The following ITPK1 variants were observed in gnomAD, a reference collection of about 807,000 sequenced individuals.
ITPK1 encodes the protein inositol-tetrakisphosphate 1-kinase.
A neutral mutation model predicts 45.3 loss-of-function variants in ITPK1; 21 were observed. The observed-to-expected ratio is 0.46, with a 90% CI of 0.33 to 0.67. ITPK1 has a LOEUF of 0.67. Ranked by LOEUF, ITPK1 falls within the 30% of genes least tolerant of loss-of-function variation. ITPK1 has a pLI of 0.02. For missense variants in ITPK1, 474 were observed against 573.5 expected (o/e 0.83, Z 1.77); for synonymous variants, 258 against 253.6 (o/e 1.02, Z -0.16).
chr14:93,099,373 T>C (rs938186860), intron 2 of ITPK1, among the ~76,000 whole-genome samples: 1 of 152,142 alleles, frequency 6.6e-6, no homozygotes, highest in African/African-American at 2.4e-5. Flanking sequence ...AGGCTAATTG[T>C]GTTTACATAA....
chr14:92,997,391 A>G (rs1887109069), intron 4 of ITPK1, among the ~76,000 whole-genome samples: 2 of 152,234 alleles, frequency 1.3e-5, no homozygotes, highest in Admixed American at 1.3e-4. Flanking sequence ...AGGGGAAAAC[A>G]TCTGACAAGC....
intron 5 of ITPK1, among the ~76,000 whole-genome samples, chr14:92,987,242 C>T (rs534220518): frequency 1.5e-4 from 23 of 152,294 alleles, no homozygotes; most frequent in African/African-American, 5.3e-4. Flanking sequence ...GAGGAGATGG[C>T]ACAGAAAGGG....
intron 3 of ITPK1, among the ~76,000 whole-genome samples, chr14:93,030,366 C>T (rs1390728057): frequency 6.6e-6 from 1 of 152,364 alleles, no homozygotes. Flanking sequence ...CTCTGGTTTT[C>T]TCAAAGCCTC....
intron 3 of ITPK1, among the ~76,000 whole-genome samples, chr14:93,047,130 A>G (rs1477773398): frequency 6.6e-6 from 1 of 152,204 alleles, no homozygotes; most frequent in Non-Finnish European, 1.5e-5. Context: ...CTGCTGGTGA[A>G]CCATTACCAC....
chr14:93,074,134 T>C (rs753016775), intron 3 of ITPK1, among the ~76,000 whole-genome samples: 3 of 152,210 alleles, frequency 2.0e-5, no homozygotes, highest in Non-Finnish European at 4.4e-5. Flanking sequence ...GTTCTCCAAA[T>C]GCAGGGATGC....
rs973381654 is a variant in ITPK1 at position 92,966,128 on chromosome 14, C to T, written c.365-3279G>A. ...ACTCCCAGGCTCAAGGGATCTTCCC[C>T]GCTCAGCCTTCTGAGTAACTGCACC... On this transcript the variant is annotated intron_variant, in intron 5 of 10. Coordinates refer to ENST00000267615, the MANE Select transcript of ITPK1 (RefSeq NM_014216.6). Among the ~76,000 whole-genome samples the T allele has an allele frequency of 5.9e-5, 9 of 152,286 alleles. No individual in the cohort carries two copies. In the South Asian group the frequency reaches 8.3e-4, roughly 14 times the overall value.
chr14:93,012,227 G>A lies in ITPK1; in HGVS notation c.246+4449C>T, dbSNP rs181026808. Among the ~76,000 whole-genome samples the A allele has an allele frequency of 2.0e-5, 3 of 152,386 alleles. No individual in the cohort carries two copies. The highest frequency in any genetic ancestry group is 4.8e-5 in the African/African-American group (2 of 41,596). On this transcript the variant is annotated intron_variant, in intron 4 of 10. Transcript: ENST00000267615. This position sits in a 1 kb window ranked among gnomAD's most constrained non-coding sequence, Gnocchi z 4.9. ...GGGAGCAGACACAATCCCTGCCGCAGTGAAGGGACAGACAATAGCCACTGA... is the reference window on the plus strand; with the variant it reads ...GGGAGCAGACACAATCCCTGCCGCAATGAAGGGACAGACAATAGCCACTGA...
At chr14:93,000,749 G>A (rs886603804) in intron 4 of ITPK1, among the ~76,000 whole-genome samples, 1 of 152,160 alleles carries the variant, frequency 6.6e-6, no homozygotes, top group Non-Finnish European at 1.5e-5. Context: ...GGCTGAGGCA[G>A]GTGGATCACC....
Position 92,940,149 on chromosome 14 carries a change from G to A in ITPK1, c.*1412C>T. On this transcript the variant is annotated 3_prime_UTR_variant, in exon 11 of 11. Coordinates refer to ENST00000267615, the MANE Select transcript of ITPK1 (RefSeq NM_014216.6). The stretch of plus-strand genomic sequence containing the variant: ...CCAGGCCGAAGGACCTCCATGCACT[G>A]GCTCGGGGGCCTCTCTCGGGACACT... The A allele has an allele frequency of 2.0e-6, 2 of 985,804 alleles. No individual in the cohort carries two copies. The highest frequency in any genetic ancestry group is 2.4e-6 in the Non-Finnish European group (2 of 830,094). 61.1% of individuals were successfully genotyped at this position (985,804 alleles called of 1,614,324 possible). A position where few individuals can be genotyped will look rare whatever the true frequency, so the allele number is the denominator to read the frequency against.
At position 92,940,843 on chromosome 14, in the gene ITPK1, G is replaced by A; in HGVS notation, c.*718C>T. The A allele has an allele frequency of 1.0e-5, 13 of 1,287,240 alleles. No individual in the cohort carries two copies. Among genetic ancestry groups the A allele is most frequent in the Non-Finnish European group, 1.3e-5 (13 of 988,022 alleles). The allele number at this position is 1,287,240 out of a possible 1,614,324, so 79.7% of individuals were successfully genotyped here. On this transcript the variant is annotated 3_prime_UTR_variant, in exon 11 of 11. Transcript: ENST00000267615. ...TTCCCGGGCTCCAGGGAGCAGCAGT[G>A]CTGGCTTAGGGGAAGGAGACCGCTG... is the stretch of plus-strand genomic sequence containing the variant.
intron 2 of ITPK1, among the ~76,000 whole-genome samples, chr14:93,105,268 G>A (rs993410411): frequency 1.3e-5 from 2 of 152,196 alleles, no homozygotes; most frequent in Non-Finnish European, 2.9e-5. Flanking sequence ...CAAACCTCCT[G>A]GAGGGGACCT....
At chr14:93,103,063 G>A (rs1892382797) in intron 2 of ITPK1, among the ~76,000 whole-genome samples, 3 of 134,656 alleles carry the variant, frequency 2.2e-5, no homozygotes, top group Non-Finnish European at 3.1e-5. Context: ...TCGCGCCACT[G>A]CACTCCAGCC....
At chr14:93,102,261 G>C (rs577369323) in intron 2 of ITPK1, among the ~76,000 whole-genome samples, 1 of 152,254 alleles carries the variant, frequency 6.6e-6, no homozygotes, top group Admixed American at 6.5e-5. Flanking sequence ...CCAAATCTCC[G>C]CAAGCACAGG....
intron 8 of ITPK1, among the ~76,000 whole-genome samples, chr14:92,956,704 GATATAAA>G (rs1007751054): frequency 5.3e-4 from 81 of 152,286 alleles, no homozygotes; most frequent in African/African-American, 1.3e-3. Flanking sequence ...GAAAGGAGTT[GATATAAA>G]ATATAACTCC....
intron 3 of ITPK1, among the ~76,000 whole-genome samples, chr14:93,026,948 C>T (rs1457222529): frequency 6.6e-6 from 1 of 152,188 alleles, no homozygotes; most frequent in Non-Finnish European, 1.5e-5. Context: ...TTGGAAAGTG[C>T]AGTATCAACT....
intron 2 of ITPK1, among the ~76,000 whole-genome samples, chr14:93,111,142 G>A (rs1459983261): frequency 6.6e-6 from 1 of 152,136 alleles, no homozygotes; most frequent in Non-Finnish European, 1.5e-5. Flanking sequence ...AGTAAAGACA[G>A]ATAAGGTTCA....
At chr14:92,945,493 C>T (rs1332317218) in intron 10 of ITPK1, among the ~76,000 whole-genome samples, 1 of 152,254 alleles carries the variant, frequency 6.6e-6, no homozygotes, top group Non-Finnish European at 1.5e-5. Context: ...GCTTCACCTC[C>T]ACAGCAGATG....
At chr14:93,075,653 G>A (rs1352608858) in intron 3 of ITPK1, among the ~76,000 whole-genome samples, 2 of 152,192 alleles carry the variant, frequency 1.3e-5, no homozygotes, top group Admixed American at 6.5e-5. Flanking sequence ...TCCTATGACC[G>A]CTGAGGGAAG....
Position 92,994,012 on chromosome 14 carries a change from T to A in ITPK1, c.247-15A>T, listed in dbSNP as rs377433690. The A allele has an allele frequency of 8.3e-5, 130 of 1,569,158 alleles. 1 individual carries two copies. The East Asian group carries it at 1.3e-3, about 16-fold the overall frequency. On this transcript the variant is annotated splice_polypyrimidine_tract_variant and intron_variant, in intron 4 of 10. Coordinates refer to ENST00000267615, the MANE Select transcript of ITPK1 (RefSeq NM_014216.6). Reference sequence around the variant, plus strand: ...TCGATGTACTCCTGAAAGGGAAGCATGCTGCTCTGGTTAGAGCAGGGGTAG... The same window carrying A: ...TCGATGTACTCCTGAAAGGGAAGCAAGCTGCTCTGGTTAGAGCAGGGGTAG...
Sources: gnomAD v4.1 joint callset for allele counts (sites outside exome capture counted in the v4.1 genomes callset) on GRCh38, gnomAD v4.1.1 for gene constraint, Gnocchi (gnomAD v3.1) non-coding constraint, MANE v1.5 for transcripts, NCBI Gene and HGNC (gene_info 2026-07-23, HGNC 2026-07-21) for gene names.